The following CEP70 variants were observed in gnomAD, a reference collection of about 807,000 sequenced individuals.
The protein encoded by CEP70 is centrosomal protein 70, also known as centrosomal protein of 70 kDa.
In CEP70, 70 loss-of-function variants were observed where a neutral mutation model predicts 90.9. The ratio of observed to expected loss-of-function variants is 0.77; its 90% CI spans 0.64 to 0.94. The LOEUF (loss-of-function observed/expected upper bound fraction) is 0.94, where lower values mean the gene tolerates loss of function less well. Among genes scored for constraint, CEP70 ranks in the 40% least tolerant of loss-of-function variants. The pLI is 0.00. For missense variants in CEP70, 648 were observed against 669.0 expected (o/e 0.97, Z 0.35); for synonymous variants, 220 against 228.3 (o/e 0.96, Z 0.33).
At chr3:138,537,591 A>C (rs2038394905) in intron 6 of CEP70, among the ~76,000 whole-genome samples, 1 of 152,196 alleles carries the variant, frequency 6.6e-6, no homozygotes, top group African/African-American at 2.4e-5. Context: ...CGTGCATTCA[A>C]GACATTTCTT....
intron 11 of CEP70, among the ~76,000 whole-genome samples, chr3:138,515,242 G>T (rs2035896692): frequency 6.6e-6 from 1 of 151,930 alleles, no homozygotes; most frequent in South Asian, 2.1e-4. Flanking sequence ...TTGTCTGTAT[G>T]TTTCTATTTA....
At chr3:138,552,576 A>G (rs1053352789) in intron 6 of CEP70, among the ~76,000 whole-genome samples, 1 of 152,210 alleles carries the variant, frequency 6.6e-6, no homozygotes, top group Non-Finnish European at 1.5e-5. Context: ...CTGAATGATC[A>G]TTGGGTCAAC....
Position 138,572,876 on chromosome 3 carries a change from G to C in CEP70, c.52C>G (p.Leu18Val). ...AAGTTTACCTGTTTTTCAGTCATGA[G>C]TCTGTCTGATGGTTGACTGGAATCC... ...PQDSSQPSDR[L>V]MTEKQQEEAE... Residue 18 changes from leucine to valine, a missense_variant, in exon 3 of 18, where the codon CTC (leucine) becomes GTC (valine). By Grantham distance (32) the Leu-to-Val change is conservative (BLOSUM62 1). Transcript: ENST00000264982. 6.2e-7 allele frequency: 1 copy of C among 1,603,364 alleles called. No individual in the cohort carries two copies. Among genetic ancestry groups the C allele is most frequent in the Non-Finnish European group, 8.5e-7 (1 of 1,170,820 alleles).
At chr3:138,512,785 C>A (rs2035645993) in intron 11 of CEP70, among the ~76,000 whole-genome samples, 1 of 152,098 alleles carries the variant, frequency 6.6e-6, no homozygotes, top group South Asian at 2.1e-4. Flanking sequence ...GGAGCTTTTC[C>A]ATGATCTCAC....
intron 2 of CEP70, among the ~76,000 whole-genome samples, chr3:138,586,982 T>A (rs899219704): frequency 1.3e-5 from 2 of 151,942 alleles, no homozygotes; most frequent in East Asian, 1.9e-4. Context: ...ATTAAAAAAA[T>A]TTTAAATTGT....
Position 138,494,951 on chromosome 3 carries a change from C to A in CEP70, c.*64G>T, listed in dbSNP as rs1330529249. ...TACAACCCTTGTCTCAAAATAAGAT[C>A]AATCCTACAAAATACAAAATGTTAA... On this transcript the variant is annotated 3_prime_UTR_variant, in exon 18 of 18. Coordinates refer to ENST00000264982, the MANE Select transcript of CEP70 (RefSeq NM_024491.4). 2.2e-6 allele frequency: 2 copies of A among 905,902 alleles called. No homozygotes were observed. The highest frequency in any genetic ancestry group is 3.4e-5 in the African/African-American group (2 of 59,482). 56.1% of individuals were successfully genotyped at this position (905,902 alleles called of 1,614,324 possible).
At chr3:138,548,692 A>G (rs1471890294) in intron 6 of CEP70, among the ~76,000 whole-genome samples, 1 of 152,244 alleles carries the variant, frequency 6.6e-6, no homozygotes, top group East Asian at 1.9e-4. Context: ...GGAAAATGGC[A>G]GATAGGAGGC....
chr3:138,573,754 A>G (rs539068596), intron 2 of CEP70, among the ~76,000 whole-genome samples: 1 of 152,350 alleles, frequency 6.6e-6, no homozygotes, highest in African/African-American at 2.4e-5. Flanking sequence ...ATATTAGCTG[A>G]GAGTAGGGTA....
chr3:138,505,098 C>T (rs191791140), intron 13 of CEP70, among the ~76,000 whole-genome samples, 197 bp downstream of exon 13: 89 of 152,202 alleles, frequency 5.8e-4, no homozygotes, highest in African/African-American at 1.9e-3. Context: ...ATGACAACAT[C>T]AAATAGACAG....
At chr3:138,574,077 T>C (rs1233577061) in intron 2 of CEP70, among the ~76,000 whole-genome samples, 3 of 152,028 alleles carry the variant, frequency 2.0e-5, no homozygotes, top group African/African-American at 7.2e-5. Flanking sequence ...CTGGTTCATC[T>C]CGTTGGGACT....
chr3:138,556,670 C>T (rs1488398371), intron 6 of CEP70, among the ~76,000 whole-genome samples: 2 of 151,674 alleles, frequency 1.3e-5, no homozygotes, highest in Admixed American at 6.6e-5. Context: ...TAAAGCTGGG[C>T]GTCCGGGGGA....
intron 2 of CEP70, 127 bp downstream of exon 2, chr3:138,591,727 T>C: frequency 3.8e-6 from 3 of 794,976 alleles, no homozygotes; most frequent in Non-Finnish European, 6.1e-6. Flanking sequence ...GTAAAATATC[T>C]ACCTGATAGG....
At chr3:138,564,081 T>C (rs1175432204) in intron 6 of CEP70, among the ~76,000 whole-genome samples, 2 of 152,266 alleles carry the variant, frequency 1.3e-5, no homozygotes, top group East Asian at 3.9e-4. Context: ...TCTATGCAAA[T>C]AAACTAGAAA....
At chr3:138,552,367 A>C (rs1161424940) in intron 6 of CEP70, among the ~76,000 whole-genome samples, 2 of 152,230 alleles carry the variant, frequency 1.3e-5, no homozygotes, top group African/African-American at 4.8e-5. Context: ...CAACTGTAGA[A>C]TATACATTCT....
chr3:138,506,832 C>G (rs1385039592), intron 12 of CEP70, among the ~76,000 whole-genome samples: 3 of 152,138 alleles, frequency 2.0e-5, no homozygotes, highest in African/African-American at 7.2e-5. Flanking sequence ...GCGTTGAATT[C>G]CTGGGCTCAA....
At chr3:138,563,595 C>T (rs953861849) in intron 6 of CEP70, among the ~76,000 whole-genome samples, 3 of 152,170 alleles carry the variant, frequency 2.0e-5, no homozygotes, top group African/African-American at 7.2e-5. Context: ...CTTTGAATGA[C>T]TACTGGGTAA....
chr3:138,508,316 A>G (rs1273393137), intron 12 of CEP70, 123 bp downstream of exon 12: 3 of 696,254 alleles, frequency 4.3e-6, no homozygotes, highest in Non-Finnish European at 7.8e-6. Flanking sequence ...ACAAGACAGA[A>G]TAAGTACACA....
At chr3:138,512,847 G>A (rs2108742699) in intron 11 of CEP70, among the ~76,000 whole-genome samples, 1 of 152,244 alleles carries the variant, frequency 6.6e-6, no homozygotes. Flanking sequence ...AAAAAGGACT[G>A]CCAATTTTGT....
intron 6 of CEP70, among the ~76,000 whole-genome samples, chr3:138,560,751 C>G (rs998277902): frequency 2.0e-4 from 30 of 152,054 alleles, no homozygotes; most frequent in African/African-American, 7.2e-4. Flanking sequence ...ACAAAGCCGC[C>G]CAGAAGTTCG....
Sources: gnomAD v4.1 joint callset for allele counts (sites outside exome capture counted in the v4.1 genomes callset) on GRCh38, gnomAD v4.1.1 for gene constraint, MANE v1.5 for transcripts, NCBI Gene and HGNC (gene_info 2026-07-23, HGNC 2026-07-21) for gene names.